Variants in CDK19 observed in about 807,000 individuals in gnomAD.
The protein encoded by CDK19 is cyclin dependent kinase 19, also known as cyclin-dependent kinase 19.
A neutral mutation model predicts 68.3 loss-of-function variants in CDK19; 20 were observed. The observed-to-expected ratio is 0.29, with a 90% confidence interval of 0.21 to 0.43. The LOEUF (loss-of-function observed/expected upper bound fraction) is 0.43, where lower values mean the gene tolerates loss of function less well. CDK19 is among the 20% of genes least tolerant of loss of function. The pLI, the probability that CDK19 is intolerant of heterozygous loss-of-function variation, is 1.00. For synonymous variants in CDK19, 221 were observed against 222.8 expected, an observed-to-expected ratio of 0.99 and a Z score of 0.07; for missense variants, 339 against 623.5, an observed-to-expected ratio of 0.54 and a Z score of 4.86.
intron 4 of CDK19, among the ~76,000 whole-genome samples, chr6:110,644,129 T>C (rs1331348634): frequency 6.6e-6 from 1 of 151,862 alleles, no homozygotes; most frequent in African/African-American, 2.4e-5. Context: ...CTGTCTCTAC[T>C]GAAAATACAA....
At chr6:110,755,320 G>A (rs192656684) in intron 1 of CDK19, among the ~76,000 whole-genome samples, 2 of 152,196 alleles carry the variant, frequency 1.3e-5, no homozygotes, top group East Asian at 1.9e-4. Context: ...GATTATAGGC[G>A]TGAGCCACCA....
At chr6:110,742,383 T>C (rs1777742505) in intron 2 of CDK19, among the ~76,000 whole-genome samples, 1 of 152,124 alleles carries the variant, frequency 6.6e-6, no homozygotes, top group Non-Finnish European at 1.5e-5. Flanking sequence ...AGGACCACTA[T>C]TGTACAAATA....
intron 1 of CDK19, among the ~76,000 whole-genome samples, chr6:110,794,011 G>A (rs922712717): frequency 6.6e-5 from 10 of 152,066 alleles, no homozygotes; most frequent in African/African-American, 2.2e-4. Context: ...ATCCACACAC[G>A]ATAAACAGCA....
intron 1 of CDK19, chr6:110,813,013 G>C (rs1161670467): frequency 6.7e-6 from 1 of 149,630 alleles, no homozygotes; most frequent in Non-Finnish European, 1.5e-5. Context: ...ACGTAATACA[G>C]TGATTTAAAC....
chr6:110,649,589 T>C (rs9487474), intron 4 of CDK19, among the ~76,000 whole-genome samples: 1,805 of 152,210 alleles, frequency 0.012, 43 homozygotes, highest in African/African-American at 0.041. Context: ...GGCAGAAATA[T>C]ATGCAACACA....
intron 1 of CDK19, among the ~76,000 whole-genome samples, chr6:110,784,169 A>AAAG (rs1197513521): frequency 6.7e-6 from 1 of 149,692 alleles, no homozygotes; most frequent in Non-Finnish European, 1.5e-5. Context: ...AAAAAAAAAA[A>AAAG]AAAAAAAAGG....
chr6:110,697,592 G>A (rs1014229371), intron 2 of CDK19, among the ~76,000 whole-genome samples: 24 of 149,724 alleles, frequency 1.6e-4, no homozygotes, highest in East Asian at 2.0e-4. Context: ...TGCCAAAAGC[G>A]ATCCATAAAT....
chr6:110,666,608 C>T (rs1439150013), intron 4 of CDK19, among the ~76,000 whole-genome samples: 3 of 152,082 alleles, frequency 2.0e-5, no homozygotes, highest in Non-Finnish European at 2.9e-5. Context: ...TAGATCCTTT[C>T]GTCAATAAAC....
At chr6:110,807,371 C>A (rs1034168572) in intron 1 of CDK19, among the ~76,000 whole-genome samples, 1 of 152,122 alleles carries the variant, frequency 6.6e-6, no homozygotes, top group Non-Finnish European at 1.5e-5. Context: ...AAAAGAAAAT[C>A]CTCTTAAAGG....
At chr6:110,752,766 C>A (rs1283163980) in intron 1 of CDK19, among the ~76,000 whole-genome samples, 1 of 151,710 alleles carries the variant, frequency 6.6e-6, no homozygotes, top group Non-Finnish European at 1.5e-5. Context: ...CAGGGTCTCA[C>A]TATGTTGCCC....
At chr6:110,696,289 A>T (rs917361847) in intron 2 of CDK19, among the ~76,000 whole-genome samples, 1 of 152,240 alleles carries the variant, frequency 6.6e-6, no homozygotes, top group Non-Finnish European at 1.5e-5. Context: ...ATTTGAAAAA[A>T]TCCAGTATCC....
chr6:110,736,980 T>A (rs953106447), intron 2 of CDK19, among the ~76,000 whole-genome samples: 3 of 152,220 alleles, frequency 2.0e-5, no homozygotes, highest in Non-Finnish European at 4.4e-5. Context: ...TTTTATATTT[T>A]TAGGAGAACT....
In CDK19 at chr6:110,616,668, CA is replaced by C. The variant is rs879456168; in HGVS notation, c.1378-2003del. On this transcript the variant is annotated intron_variant, in intron 12 of 12. Coordinates refer to ENST00000368911, the MANE Select transcript of CDK19 (RefSeq NM_015076.5). The stretch of plus-strand genomic sequence containing the variant: ...TGGGCGACAGAGGGAGACTCCATCT[CA>C]AAAAAAAAAAAACAAAACAAAACTT... 1.7e-3 allele frequency among the ~76,000 whole-genome samples: 213 copies of C among 123,060 alleles called. 1 individual carries two copies. The highest frequency in any genetic ancestry group is 2.6e-3 in the South Asian group (10 of 3,852). The allele number at this position is 123,060 out of a possible 152,430, so 80.7% of individuals were successfully genotyped here.
At chr6:110,804,406 G>A (rs1346352900) in intron 1 of CDK19, among the ~76,000 whole-genome samples, 1 of 151,688 alleles carries the variant, frequency 6.6e-6, no homozygotes, top group Admixed American at 6.6e-5. Context: ...GCAATGGCGC[G>A]ATCTCGGCTC....
chr6:110,635,635 G>A (rs1395534022), intron 5 of CDK19, among the ~76,000 whole-genome samples: 1 of 152,166 alleles, frequency 6.6e-6, no homozygotes, highest in African/African-American at 2.4e-5. Context: ...CGCCTCCCGG[G>A]TTCAAGCACT....
intron 6 of CDK19, among the ~76,000 whole-genome samples, chr6:110,628,485 C>T (rs1166806941): frequency 1.3e-5 from 2 of 152,210 alleles, no homozygotes; most frequent in African/African-American, 2.4e-5. Flanking sequence ...ATGCTACGCT[C>T]TCCATCTTCC....
intron 12 of CDK19, among the ~76,000 whole-genome samples, chr6:110,620,525 C>T (rs1778642447): frequency 6.6e-6 from 1 of 152,062 alleles, no homozygotes; most frequent in Admixed American, 6.6e-5. Context: ...TCTCCAAATA[C>T]CAATCCTTAG....
intron 1 of CDK19, among the ~76,000 whole-genome samples, chr6:110,767,723 A>G (rs1243742791): frequency 6.6e-6 from 1 of 152,092 alleles, no homozygotes; most frequent in East Asian, 1.9e-4. Context: ...TGAATATGCT[A>G]ATTATCCTGA....
intron 2 of CDK19, among the ~76,000 whole-genome samples, chr6:110,683,174 CAAAAAAA>C (rs58912406): frequency 4.0e-5 from 2 of 49,598 alleles, no homozygotes; most frequent in East Asian, 6.1e-4. Flanking sequence ...AGACTGTCTC[CAAAAAAA>C]AAAAAAAAAA....
Sources: allele counts gnomAD v4.1 joint callset (sites outside exome capture counted in the v4.1 genomes callset), GRCh38; gene constraint gnomAD v4.1.1; transcripts MANE v1.5; gene names NCBI Gene and HGNC (gene_info 2026-07-23, HGNC 2026-07-21).